The following RELN variants were observed in gnomAD, a reference collection of about 807,000 sequenced individuals.
RELN encodes the protein reelin.
A neutral mutation model predicts 427.6 loss-of-function variants in RELN; 108 were observed. The ratio of observed to expected loss-of-function variants is 0.25; its 90% CI spans 0.22 to 0.30. The LOEUF is 0.30. Ranked by LOEUF, RELN falls within the 10% of genes least tolerant of loss-of-function variation. The pLI is 1.00. For synonymous variants in RELN, 1,524 were observed against 1,513.4 expected (o/e 1.01, Z -0.16); for missense variants, 3,715 against 4,302.8 (o/e 0.86, Z 3.82).
chr7:103,939,298 A>C (rs558268083), intron 1 of RELN, among the ~76,000 whole-genome samples: 1 of 152,208 alleles, frequency 6.6e-6, no homozygotes, highest in Non-Finnish European at 1.5e-5. Context: ...GAAAATAAGT[A>C]AGGTATAATT....
At chr7:103,503,907 A>AC (rs1316907825) in intron 51 of RELN, among the ~76,000 whole-genome samples, 2 of 151,440 alleles carry the variant, frequency 1.3e-5, no homozygotes, top group South Asian at 2.1e-4. Context: ...AAAAAAAAAA[A>AC]AAAAAAAAAA....
intron 2 of RELN, among the ~76,000 whole-genome samples, chr7:103,869,392 T>C (rs1584314861): frequency 6.6e-6 from 1 of 152,096 alleles, no homozygotes; most frequent in Non-Finnish European, 1.5e-5. Context: ...TTTCACCTAC[T>C]ATTATCTCCC....
intron 36 of RELN, among the ~76,000 whole-genome samples, chr7:103,559,714 A>T (rs146873996): frequency 3.3e-5 from 5 of 152,330 alleles, no homozygotes; most frequent in African/African-American, 1.2e-4. Flanking sequence ...AGCTGGGACT[A>T]GAGGTGTGCA....
chr7:103,966,301 G>A (rs1172609537), intron 1 of RELN, among the ~76,000 whole-genome samples: 2 of 152,088 alleles, frequency 1.3e-5, no homozygotes, highest in African/African-American at 4.8e-5. Context: ...CCCTGCACAG[G>A]GTGTCAGCCC....
At chr7:103,981,521 A>G (rs1293372952) in intron 1 of RELN, among the ~76,000 whole-genome samples, 1 of 152,252 alleles carries the variant, frequency 6.6e-6, no homozygotes, top group Non-Finnish European at 1.5e-5. Flanking sequence ...AGCTTGATAC[A>G]GGAATTATGA....
chr7:103,921,189 C>G (rs1208895492), intron 1 of RELN, among the ~76,000 whole-genome samples: 1 of 152,162 alleles, frequency 6.6e-6, no homozygotes, highest in Non-Finnish European at 1.5e-5. Flanking sequence ...CATCTGACAT[C>G]CTGTCAATTC....
intron 1 of RELN, among the ~76,000 whole-genome samples, chr7:103,948,631 C>T (rs1286652739): frequency 6.6e-6 from 1 of 152,048 alleles, no homozygotes; most frequent in Admixed American, 6.6e-5. Context: ...TGAGATCACG[C>T]CCCTGGACTC....
At chr7:103,825,265 G>A (rs1793107634) in intron 3 of RELN, among the ~76,000 whole-genome samples, 1 of 152,014 alleles carries the variant, frequency 6.6e-6, no homozygotes, top group Admixed American at 6.6e-5. Context: ...GGAAAGCAGG[G>A]ACTGAGATCC....
intron 2 of RELN, among the ~76,000 whole-genome samples, chr7:103,851,244 C>A (rs1235465148): frequency 6.6e-6 from 1 of 152,130 alleles, no homozygotes; most frequent in African/African-American, 2.4e-5. Context: ...ATGGAAAAAC[C>A]AAACATCGTA....
chr7:103,676,760 A>C (rs1478487397), intron 11 of RELN, among the ~76,000 whole-genome samples: 1 of 151,796 alleles, frequency 6.6e-6, no homozygotes, highest in Admixed American at 6.6e-5. Flanking sequence ...GAAACTGGAA[A>C]CCATCATTCT....
At chr7:103,816,972 C>A (rs1264340133) in intron 3 of RELN, among the ~76,000 whole-genome samples, 1 of 152,140 alleles carries the variant, frequency 6.6e-6, no homozygotes, top group South Asian at 2.1e-4. Context: ...CTGCCCCAGC[C>A]TCCCAAGTAG....
rs1262470607 is a variant in RELN at position 103,604,383 on chromosome 7, A to C, written c.3109T>G (p.Cys1037Gly). 2 of 1,613,828 alleles carry C rather than the reference A, an allele frequency of 1.2e-6. No homozygotes were observed. Among genetic ancestry groups the C allele is most frequent in the Non-Finnish European group, 1.7e-6 (2 of 1,179,876 alleles). ...IYIGQQCPNMCSGHGSCDHGI... is the reference protein window; with the variant it reads ...IYIGQQCPNMGSGHGSCDHGI... ...TGATCGCATGAGCCATGCCCACTGC[A>C]CATGTTGGGGCACTGCTGCCCAATG... The change falls in exon 23 of 65, where the codon TGC becomes GGC. Residue 1037 changes from cysteine to glycine, a missense_variant. Physicochemically the swap from Cys to Gly is radical, Grantham distance 159 (BLOSUM62 -3). Transcript: ENST00000428762.
intron 24 of RELN, among the ~76,000 whole-genome samples, chr7:103,600,150 G>C (rs1018568734): frequency 1.3e-5 from 2 of 152,142 alleles, no homozygotes; most frequent in South Asian, 2.1e-4. Flanking sequence ...CTCCACCTCA[G>C]CCTCACAAAG....
At chr7:103,931,423 C>G (rs1482943683) in intron 1 of RELN, among the ~76,000 whole-genome samples, 4 of 152,140 alleles carry the variant, frequency 2.6e-5, no homozygotes, top group African/African-American at 9.7e-5. Flanking sequence ...GTGAAGCTTA[C>G]CACATTCTAT....
At chr7:103,496,428 G>A in intron 56 of RELN, 98 bp downstream of exon 56, 1 of 1,481,072 alleles carries the variant, frequency 6.8e-7, no homozygotes, top group Non-Finnish European at 9.4e-7. Context: ...TATGGGCTAG[G>A]CACTCTTATA....
chr7:103,870,832 T>G (rs144207403), intron 2 of RELN, among the ~76,000 whole-genome samples: 1 of 152,080 alleles, frequency 6.6e-6, no homozygotes, highest in Non-Finnish European at 1.5e-5. Context: ...ATGAGCAATA[T>G]CCATCCACAA....
At chr7:103,894,305 G>A (rs921371044) in intron 2 of RELN, among the ~76,000 whole-genome samples, 2 of 152,066 alleles carry the variant, frequency 1.3e-5, no homozygotes, top group Admixed American at 1.3e-4. Context: ...TAAAGATTTT[G>A]CAGAAATAGT....
intron 2 of RELN, among the ~76,000 whole-genome samples, chr7:103,852,212 C>A (rs188678255): frequency 2.4e-4 from 37 of 152,256 alleles, no homozygotes; most frequent in Non-Finnish European, 4.7e-4. Context: ...ATGATCATCA[C>A]CCAATTGCTA....
chr7:103,572,901 G>C (rs1830915934), intron 30 of RELN, among the ~76,000 whole-genome samples: 3 of 152,040 alleles, frequency 2.0e-5, no homozygotes, highest in Admixed American at 2.0e-4. Context: ...AGAACGTGCA[G>C]GTTTGTTACA....
Sources: gnomAD v4.1 joint callset for allele counts (sites outside exome capture counted in the v4.1 genomes callset) on GRCh38, gnomAD v4.1.1 for gene constraint, MANE v1.5 for transcripts, NCBI Gene and HGNC (gene_info 2026-07-23, HGNC 2026-07-21) for gene names.